Variants in GPD2 observed in about 807,000 individuals in gnomAD.
GPD2 encodes glycerol-3-phosphate dehydrogenase 2, also known as glycerol-3-phosphate dehydrogenase, mitochondrial.
A neutral mutation model predicts 82.4 loss-of-function variants in GPD2; 54 were observed. The observed-to-expected ratio is 0.66, with a 90% CI of 0.53 to 0.82. The LOEUF is 0.82. Ranked by LOEUF, GPD2 falls within the 40% of genes least tolerant of loss-of-function variation. GPD2 has a pLI of 0.00. For synonymous variants in GPD2, 288 were observed against 306.1 expected (o/e 0.94, Z 0.62); for missense variants, 748 against 896.2 (o/e 0.83, Z 2.11).
At position 156,439,523 on chromosome 2, in the gene GPD2, AAAAAAAAAAAAAAAAAC is replaced by A. The variant is rs1384005391; in HGVS notation, c.-9+3024_-9+3040del. ...CTTGAGACTGTCTCAGAAAAAAAAA[AAAAAAAAAAAAAAAAAC>A]AAAAAAAAAAAAACAAGCCAGGCAG... On this transcript the variant is annotated intron_variant, in intron 1 of 16. Transcript: ENST00000438166. 8.8e-3 allele frequency among the ~76,000 whole-genome samples: 853 copies of A among 97,220 alleles called. 17 individuals carry two copies. Among genetic ancestry groups the A allele is most frequent in the African/African-American group, 0.029 (767 of 26,078 alleles). 63.8% of individuals were successfully genotyped at this position (97,220 alleles called of 152,430 possible).
At chr2:156,442,688 A>G (rs1216220063) in intron 1 of GPD2, among the ~76,000 whole-genome samples, 1 of 152,046 alleles carries the variant, frequency 6.6e-6, no homozygotes, top group African/African-American at 2.4e-5. Context: ...CGTGTCTCCT[A>G]CTTAGGAGGC....
intron 3 of GPD2, among the ~76,000 whole-genome samples, chr2:156,502,362 A>T (rs2105254199): frequency 6.6e-6 from 1 of 152,308 alleles, no homozygotes; most frequent in East Asian, 1.9e-4. Context: ...AAAAAGGTGA[A>T]ATTTGGGAAA....
At chr2:156,430,584 G>A (rs528234875), upstream of GPD2, among the ~76,000 whole-genome samples, 3 of 152,330 alleles carry the variant, frequency 2.0e-5, no homozygotes, top group South Asian at 6.2e-4. Context: ...TCTCATTTTA[G>A]TCTTGGCTCC....
rs1316960353 is a variant in GPD2 at position 156,582,848 on chromosome 2, T to C, written c.2114T>C (p.Met705Thr). 3.1e-6 allele frequency: 5 copies of C among 1,613,158 alleles called. No homozygotes were observed. The highest frequency in any genetic ancestry group is 1.3e-5 in the African/African-American group (1 of 74,978). ...RVSGSRLAILMKTAEENLDRR... is the reference protein window; with the variant it reads ...RVSGSRLAILTKTAEENLDRR... ...TCTGGAAGCCGGCTTGCTATACTAA[T>C]GAAAACTGCAGAAGAGAACCTCGAC... Residue 705 changes from methionine to threonine, a missense_variant, in exon 17 of 17, where the codon ATG (methionine) becomes ACG (threonine). Met to Thr is a moderately conservative substitution (Grantham distance 81). This residue lies in a region of GPD2 where 46 missense variants were observed against 49.1 expected (regional missense o/e 0.94). Transcript: ENST00000438166.
chr2:156,478,534 G>C, intron 2 of GPD2, among the ~76,000 whole-genome samples: 1 of 152,060 alleles, frequency 6.6e-6, no homozygotes, highest in East Asian at 1.9e-4. Flanking sequence ...ATAAAAGCAA[G>C]AATGAGAAGA....
chr2:156,437,787 A>G (rs1558897866), intron 1 of GPD2, among the ~76,000 whole-genome samples: 1 of 152,276 alleles, frequency 6.6e-6, no homozygotes, highest in African/African-American at 2.4e-5. Flanking sequence ...CAAAGATGCA[A>G]TGGCTTGGTT....
chr2:156,569,973 C>T, intron 11 of GPD2, 114 bp from the exon 12 acceptor site: 1 of 902,712 alleles, frequency 1.1e-6, no homozygotes, highest in Non-Finnish European at 1.8e-6. Flanking sequence ...TCTCCGAGAG[C>T]TATTAGTTAC....
At chr2:156,423,900 G>A in the GPD2 span, among the ~76,000 whole-genome samples, 2 of 152,242 alleles carry the variant, frequency 1.3e-5, no homozygotes, top group East Asian at 1.9e-4. Flanking sequence ...AAAACAAAGC[G>A]CTTTCCTATC....
rs774707174 is a variant in GPD2, at chr2:156,582,915, G to A, written c.2181G>A (p.Leu727=). The A allele has an allele frequency of 1.2e-6, 2 of 1,612,764 alleles. No homozygotes were observed. The highest frequency in any genetic ancestry group is 2.2e-5 in the South Asian group (2 of 91,064). ...CAGTGGACCGTAGTTGTGGAGGATT[G>A]TGAGTCTGGGCAGTAAATCCACAGC... The part of the protein sequence containing the change: ...PIPVDRSCGG[L] Residue 727 remains leucine, a synonymous_variant, in exon 17 of 17, where the codon TTG becomes TTA. Transcript: ENST00000438166.
At chr2:156,574,278 A>G (rs2105370897) in intron 13 of GPD2, among the ~76,000 whole-genome samples, 1 of 152,266 alleles carries the variant, frequency 6.6e-6, no homozygotes, top group Admixed American at 6.5e-5. Context: ...TGAAAGGATG[A>G]CTACATGGTC....
intron 16 of GPD2, 150 bp from the exon 17 acceptor site, chr2:156,582,643 G>T: frequency 1.2e-6 from 1 of 807,948 alleles, no homozygotes; most frequent in Non-Finnish European, 2.1e-6. Flanking sequence ...TTAAAAATTA[G>T]ACTCTTCTTA....
At chr2:156,496,815 A>C (rs914657139) in intron 3 of GPD2, among the ~76,000 whole-genome samples, 1 of 152,074 alleles carries the variant, frequency 6.6e-6, no homozygotes, top group Non-Finnish European at 1.5e-5. Context: ...TATTAAGCTG[A>C]AGTAATTTAT....
At chr2:156,567,503 TGAA>T (rs1558965514) in intron 9 of GPD2, among the ~76,000 whole-genome samples, 1 of 152,124 alleles carries the variant, frequency 6.6e-6, no homozygotes, top group Non-Finnish European at 1.5e-5. Flanking sequence ...GGGAGTATGA[TGAA>T]GAAGGAGGGC....
rs187269835 is a variant in GPD2, at chr2:156,479,625, C to A, written c.102+3418C>A. Among the ~76,000 whole-genome samples the A allele has an allele frequency of 3.9e-5, 6 of 152,200 alleles. No homozygotes were observed. The East Asian group carries it at 1.2e-3, about 29-fold the overall frequency. On this transcript the variant is annotated intron_variant, in intron 2 of 16. Coordinates refer to ENST00000438166, the MANE Select transcript of GPD2 (RefSeq NM_000408.5). Reference sequence around the variant, plus strand: ...TTATTATTATTCTTTTGGAGCTGAGCAGCCTAAATCTTCAATTCCAACCAA... The same window carrying A: ...TTATTATTATTCTTTTGGAGCTGAGAAGCCTAAATCTTCAATTCCAACCAA...
At chr2:156,528,899 A>AC (rs1393405995) in intron 6 of GPD2, among the ~76,000 whole-genome samples, 1 of 152,068 alleles carries the variant, frequency 6.6e-6, no homozygotes, top group Non-Finnish European at 1.5e-5. Context: ...CAGTAAACAT[A>AC]GTGTGCATGT....
rs527729996 is a variant in GPD2 at position 156,549,885 on chromosome 2, C to T, written c.826+113C>T. 1.8e-5 allele frequency: 15 copies of T among 840,110 alleles called. 2 individuals are homozygous for T. Among genetic ancestry groups the T allele is most frequent in the African/African-American group, 1.5e-4 (9 of 59,742 alleles). The allele number at this position is 840,110 out of a possible 1,614,324, so 52.0% of individuals were successfully genotyped here. A position where few individuals can be genotyped will look rare whatever the true frequency, so the allele number is the denominator to read the frequency against. On this transcript the variant is annotated intron_variant, in intron 7 of 16. Coordinates refer to ENST00000438166, the MANE Select transcript of GPD2 (RefSeq NM_000408.5). ...TTTCATTTATGCCACGCTTCAGAGTCATATTAATTATATTCGTTATTGTCA... is the reference window on the plus strand; with the variant it reads ...TTTCATTTATGCCACGCTTCAGAGTTATATTAATTATATTCGTTATTGTCA...
At chr2:156,565,247 G>A (rs547152968) in intron 9 of GPD2, among the ~76,000 whole-genome samples, 12 of 152,104 alleles carry the variant, frequency 7.9e-5, no homozygotes, top group Non-Finnish European at 1.8e-4. Flanking sequence ...GGACTGTGGG[G>A]TGACCACAAT....
chr2:156,548,503 T>C (rs950332318), intron 6 of GPD2, among the ~76,000 whole-genome samples: 2 of 152,308 alleles, frequency 1.3e-5, no homozygotes. Flanking sequence ...ATAAGACGTT[T>C]GTGGGGAGGG....
At chr2:156,442,444 A>G (rs568712982) in intron 1 of GPD2, among the ~76,000 whole-genome samples, 1 of 152,352 alleles carries the variant, frequency 6.6e-6, no homozygotes, top group South Asian at 2.1e-4. Flanking sequence ...GTGTACTTCA[A>G]AAGTGATGAA....
Sources: allele counts gnomAD v4.1 joint callset (sites outside exome capture counted in the v4.1 genomes callset), GRCh38; gene constraint gnomAD v4.1.1; regional missense constraint gnomAD v4.1.1; transcripts MANE v1.5; gene names NCBI Gene and HGNC (gene_info 2026-07-23, HGNC 2026-07-21).